Variants in ATP2A3 observed in about 807,000 individuals in gnomAD.
ATP2A3 encodes sarcoplasmic/endoplasmic reticulum calcium ATPase 3.
In ATP2A3, 61 loss-of-function variants were observed where a neutral mutation model predicts 106.8. That is an observed-to-expected ratio of 0.57 (90% CI 0.46 to 0.71). ATP2A3 has a LOEUF of 0.71. Among genes scored for constraint, ATP2A3 ranks in the 30% least tolerant of loss-of-function variants. The probability of loss-of-function intolerance (pLI) is 0.00; values close to 1 mark genes in which losing one functional copy is unlikely to be tolerated. For synonymous variants in ATP2A3, 611 were observed against 609.3 expected, an observed-to-expected ratio of 1.00 and a Z score of -0.04; for missense variants, 1,201 against 1,423.5, an observed-to-expected ratio of 0.84 and a Z score of 2.52.
rs141128457 is a variant in ATP2A3 at position 3,936,057 on chromosome 17, G to T, written c.2524+210C>A. Among the ~76,000 whole-genome samples the T allele has an allele frequency of 6.6e-6, 1 of 152,226 alleles. No homozygotes were observed. Among genetic ancestry groups the T allele is most frequent in the Non-Finnish European group, 1.5e-5 (1 of 68,040 alleles). ...CAGCCATTCTGCCACCATGAGGGAC[G>T]TGGGCCTGAGAATGAAGCTGAGGCA... On this transcript the variant is annotated intron_variant, in intron 16 of 20. Transcript: ENST00000397041. The surrounding 1 kb of genome is among the most constrained non-coding windows in gnomAD (Gnocchi z 5.4).
intron 1 of ATP2A3, among the ~76,000 whole-genome samples, chr17:3,963,706 G>C (rs1399160037): frequency 6.6e-6 from 1 of 152,198 alleles, no homozygotes; most frequent in Non-Finnish European, 1.5e-5. Flanking sequence ...GCTGATAAGC[G>C]GCACCTTCCT....
In ATP2A3 at chr17:3,964,294, C is replaced by A. The variant is rs530118809; in HGVS notation, c.-3G>T. ...GGGAGCAGATGCGCCGCCTCCATGC[C>A]GCCCGCCCGGCCGTCTGCGCCGTCC... is the stretch of plus-strand genomic sequence containing the variant. On this transcript the variant is annotated 5_prime_UTR_variant, in exon 1 of 21. Transcript: ENST00000397041. 784 of 1,255,648 alleles carry A rather than the reference C, an allele frequency of 6.2e-4. 5 individuals are homozygous for A. In the African/African-American group the frequency reaches 0.011, roughly 18 times the overall value. 77.8% of individuals were successfully genotyped at this position (1,255,648 alleles called of 1,614,324 possible).
rs1322084590 is a variant in ATP2A3, at chr17:3,947,996, CTGTAGCTA to C, written c.631-149_631-142del. On this transcript the variant is annotated intron_variant, in intron 7 of 20. Coordinates refer to ENST00000397041, the MANE Select transcript of ATP2A3 (RefSeq NM_005173.4). The surrounding 1 kb of genome is among the most constrained non-coding windows in gnomAD (Gnocchi z 7.7). Reference sequence around the variant, plus strand: ...CCATGTTGCTAGTGCTTCCAGACTCCTGTAGCTATGTATGCACGGGGTCCCTGCTGCCT... The same window carrying C: ...CCATGTTGCTAGTGCTTCCAGACTCCTGTATGCACGGGGTCCCTGCTGCCT... The C allele has an allele frequency of 2.8e-5, 23 of 811,778 alleles. No homozygotes were observed. The Admixed American group carries it at 3.8e-4, about 13-fold the overall frequency. 50.3% of individuals were successfully genotyped at this position (811,778 alleles called of 1,614,324 possible). A position where few individuals can be genotyped will look rare whatever the true frequency, so the allele number is the denominator to read the frequency against.
chr17:3,950,869 G>A (rs557456822), intron 5 of ATP2A3, 96 bp from the exon 6 acceptor site: 22 of 1,225,552 alleles, frequency 1.8e-5, no homozygotes, highest in Non-Finnish European at 2.5e-5. Flanking sequence ...GGGGCTGGGC[G>A]TCGGGTGCCT....
Position 3,950,431 on chromosome 17 carries a change from T to C in ATP2A3, c.630+80A>G, listed in dbSNP as rs1196692441. The C allele has an allele frequency of 2.7e-6, 4 of 1,503,440 alleles. No homozygotes were observed. In the African/African-American group the frequency reaches 4.1e-5, roughly 16 times the overall value. The allele number at this position is 1,503,440 out of a possible 1,614,324, so 93.1% of individuals were successfully genotyped here. A position where few individuals can be genotyped will look rare whatever the true frequency, so the allele number is the denominator to read the frequency against. Reference sequence around the variant, plus strand: ...CACCCACCTCAGCCTCCCAAAGTGCTGGGATTACAGGCGTGATCATAATCC... The same window carrying C: ...CACCCACCTCAGCCTCCCAAAGTGCCGGGATTACAGGCGTGATCATAATCC... On this transcript the variant is annotated intron_variant, in intron 7 of 20. Coordinates refer to ENST00000397041, the MANE Select transcript of ATP2A3 (RefSeq NM_005173.4).
rs940394926 is a variant in ATP2A3 at position 3,928,971 on chromosome 17, C to T, written c.2863-191G>A. Among the ~76,000 whole-genome samples, 4 of 150,830 alleles carry T rather than the reference C, an allele frequency of 2.7e-5. No individual in the cohort carries two copies. Among genetic ancestry groups the T allele is most frequent in the South Asian group, 2.1e-4 (1 of 4,770 alleles). On this transcript the variant is annotated intron_variant, in intron 19 of 20. Transcript: ENST00000397041. The surrounding 1 kb of genome is among the most constrained non-coding windows in gnomAD (Gnocchi z 6.1). ...ATCTTTGTCTGTTCAGCTGCACCCCCCAATCTTTGTCCGCTCAGCTTCCTC... is the reference window on the plus strand; with the variant it reads ...ATCTTTGTCTGTTCAGCTGCACCCCTCAATCTTTGTCCGCTCAGCTTCCTC...
rs2052617562 is a variant in ATP2A3, at chr17:3,924,820, G to T, written c.*602C>A. 2.2e-6 allele frequency: 1 copy of T among 456,596 alleles called. No individual in the cohort carries two copies. Among genetic ancestry groups the T allele is most frequent in the Non-Finnish European group, 4.4e-6 (1 of 226,984 alleles). The allele number at this position is 456,596 out of a possible 1,614,324, so 28.3% of individuals were successfully genotyped here. On this transcript the variant is annotated 3_prime_UTR_variant, in exon 21 of 21. Transcript: ENST00000397041. The surrounding 1 kb of genome is among the most constrained non-coding windows in gnomAD (Gnocchi z 6.4). ...CCGGGCCCTGCACATATAAACAGAA[G>T]CAGCCTCGAGCTCTCGGGAGCCGAC... is the stretch of plus-strand genomic sequence containing the variant.
chr17:3,951,757 C>T (rs1009802373), intron 3 of ATP2A3, 72 bp from the exon 4 acceptor site: 43 of 1,407,040 alleles, frequency 3.1e-5, no homozygotes, highest in African/African-American at 4.3e-5. Context: ...CTTGGCACCC[C>T]GGATCTCCTG....
chr17:3,945,189 T>A, intron 8 of ATP2A3, 41 bp from the exon 9 acceptor site: 1 of 1,526,416 alleles, frequency 6.6e-7, no homozygotes, highest in Non-Finnish European at 8.8e-7. Flanking sequence ...CGGGGTCGCC[T>A]CCCTCCTCCC....
chr17:3,930,664 G>A lies in ATP2A3; in HGVS notation c.2611-230C>T, dbSNP rs902427294. 9.0e-6 allele frequency: 5 copies of A among 555,480 alleles called. No individual in the cohort carries two copies. The highest frequency in any genetic ancestry group is 4.1e-5 in the African/African-American group (1 of 24,440). 34.4% of individuals were successfully genotyped at this position (555,480 alleles called of 1,614,324 possible). On this transcript the variant is annotated intron_variant, in intron 17 of 20. Transcript: ENST00000397041. This position sits in a 1 kb window ranked among gnomAD's most constrained non-coding sequence, Gnocchi z 5.4. ...AGGGCACAGCGTGGGAAAGGCAGAC[G>A]TTCTGGAGCAGGAGTGCAGCGGCTC... is the stretch of plus-strand genomic sequence containing the variant.
Position 3,925,464 on chromosome 17 carries a change from C to T in ATP2A3, c.2981-23G>A, listed in dbSNP as rs190303307. 161 of 1,609,862 alleles carry T rather than the reference C, an allele frequency of 1.0e-4. No homozygotes were observed. Among genetic ancestry groups the T allele is most frequent in the Middle Eastern group, 8.3e-4 (5 of 6,058 alleles). On this transcript the variant is annotated intron_variant, in intron 20 of 20. Transcript: ENST00000397041. The surrounding 1 kb of genome is among the most constrained non-coding windows in gnomAD (Gnocchi z 4.2). ...CTTCTGGAAGAAAAACCCAAGAGCG[C>T]GTTAAGATGTATGTGTAAGGGCACA... is the stretch of plus-strand genomic sequence containing the variant.
chr17:3,952,837 T>C (rs1246069596), intron 3 of ATP2A3, among the ~76,000 whole-genome samples: 1 of 152,170 alleles, frequency 6.6e-6, no homozygotes, highest in Non-Finnish European at 1.5e-5. Flanking sequence ...AGCGATTTTA[T>C]TGCCTTGGCC....
In ATP2A3 at chr17:3,925,239, G is replaced by A. The variant is rs923250636; in HGVS notation, c.*183C>T. 8 of 893,718 alleles carry A rather than the reference G, an allele frequency of 9.0e-6. No individual in the cohort carries two copies. The highest frequency in any genetic ancestry group is 3.3e-4 in the Middle Eastern group (1 of 3,060). The allele number at this position is 893,718 out of a possible 1,614,324, so 55.4% of individuals were successfully genotyped here. On this transcript the variant is annotated 3_prime_UTR_variant, in exon 21 of 21. Coordinates refer to ENST00000397041, the MANE Select transcript of ATP2A3 (RefSeq NM_005173.4). The surrounding 1 kb of genome is among the most constrained non-coding windows in gnomAD (Gnocchi z 4.2). ...TACAGACCTCCCAGGCCAGAAGGAAGTGGGGACAGAGACCCCAGGACGGGG... is the reference window on the plus strand; with the variant it reads ...TACAGACCTCCCAGGCCAGAAGGAAATGGGGACAGAGACCCCAGGACGGGG...
chr17:3,935,013 G>T, intron 17 of ATP2A3, 179 bp downstream of exon 17: 1 of 685,180 alleles, frequency 1.5e-6, no homozygotes, highest in Non-Finnish European at 2.6e-6. Flanking sequence ...GGTCCGTGCT[G>T]GTGTCTCTGG....
At chr17:3,954,944 C>T (rs544461791) in intron 1 of ATP2A3, among the ~76,000 whole-genome samples, 32 of 152,258 alleles carry the variant, frequency 2.1e-4, no homozygotes, top group African/African-American at 7.0e-4. Flanking sequence ...GACCCGGGCA[C>T]GGAGGATCAG....
chr17:3,934,532 T>C (rs2053312164), intron 17 of ATP2A3, among the ~76,000 whole-genome samples: 2 of 143,082 alleles, frequency 1.4e-5, no homozygotes, highest in Non-Finnish European at 1.5e-5. Flanking sequence ...CTTTTTTTTT[T>C]TTTTTTCTTG....
chr17:3,937,377 G>T, intron 15 of ATP2A3, 39 bp downstream of exon 15: 1 of 1,593,232 alleles, frequency 6.3e-7, no homozygotes, highest in Non-Finnish European at 8.6e-7. Context: ...GGCACAGAGC[G>T]GATTGAGAGG....
chr17:3,939,730 T>A (rs1349813917), intron 14 of ATP2A3, among the ~76,000 whole-genome samples: 5 of 131,490 alleles, frequency 3.8e-5, no homozygotes, highest in South Asian at 4.6e-4. Context: ...GAGGTTGCAG[T>A]GAGCCGAGAT....
intron 17 of ATP2A3, among the ~76,000 whole-genome samples, chr17:3,933,727 C>G (rs989758790): frequency 1.3e-5 from 2 of 151,146 alleles, no homozygotes; most frequent in African/African-American, 4.9e-5. Flanking sequence ...CAGAGCGAGA[C>G]TCCATCTCAA....
Sources: allele counts gnomAD v4.1 joint callset (sites outside exome capture counted in the v4.1 genomes callset), GRCh38; gene constraint gnomAD v4.1.1; non-coding constraint Gnocchi (gnomAD v3.1); transcripts MANE v1.5; gene names NCBI Gene and HGNC (gene_info 2026-07-23, HGNC 2026-07-21).